Variants in SMC4 observed in about 807,000 individuals in gnomAD.
SMC4 encodes structural maintenance of chromosomes 4, also known as structural maintenance of chromosomes protein 4.
SMC4 carries 87 observed loss-of-function variants against 145.6 expected under a neutral mutation model. That is an observed-to-expected ratio of 0.60 (90% confidence interval 0.50 to 0.71). SMC4 has a LOEUF of 0.71. Among genes scored for constraint, SMC4 ranks in the 30% least tolerant of loss-of-function variants. The probability of loss-of-function intolerance (pLI) is 0.00; values close to 1 mark genes in which losing one functional copy is unlikely to be tolerated. For synonymous variants in SMC4, 558 were observed against 500.7 expected, an observed-to-expected ratio of 1.11 and a Z score of -1.53; for missense variants, 1,447 against 1,537.1, an observed-to-expected ratio of 0.94 and a Z score of 0.98.
chr3:160,424,117 A>G (rs915478791), intron 15 of SMC4, among the ~76,000 whole-genome samples: 4 of 152,152 alleles, frequency 2.6e-5, no homozygotes, highest in African/African-American at 4.8e-5. Flanking sequence ...TTTCTGTTTT[A>G]CATTTAATTT....
At chr3:160,427,896 G>A (rs1717965962) in intron 17 of SMC4, among the ~76,000 whole-genome samples, 1 of 152,158 alleles carries the variant, frequency 6.6e-6, no homozygotes, top group East Asian at 1.9e-4. Context: ...AGACCAGCCT[G>A]GCCAACATGG....
intron 23 of SMC4, 63 bp downstream of exon 23, chr3:160,433,272 T>G: frequency 8.9e-7 from 1 of 1,120,286 alleles, no homozygotes; most frequent in Non-Finnish European, 1.3e-6. Flanking sequence ...ACATTACACA[T>G]GGAATTCTTT....
Position 160,430,661 on chromosome 3 carries a change from A to G in SMC4, c.2858A>G (p.Lys953Arg). Residue 953 changes from lysine to arginine, a missense_variant, in exon 19 of 24, where the codon AAA (lysine) becomes AGA (arginine). Coordinates refer to ENST00000357388, the MANE Select transcript of SMC4 (RefSeq NM_001002800.3). ...RTEKEIKDTE[K>R]EVDDLTAELK... ...GAGAAAGAAATAAAAGATACTGAGA[A>G]AGAGGTGGATGACCTAACAGCAGAG... is the stretch of plus-strand genomic sequence containing the variant. 6.2e-7 allele frequency: 1 copy of G among 1,613,742 alleles called. No individual in the cohort carries two copies. Among genetic ancestry groups the G allele is most frequent in the Non-Finnish European group, 8.5e-7 (1 of 1,179,824 alleles).
chr3:160,412,839 T>C, intron 7 of SMC4: 1 of 984,270 alleles, frequency 1.0e-6, no homozygotes, highest in Non-Finnish European at 1.2e-6. Flanking sequence ...TATCCTGCTT[T>C]AAGTTGGGAG....
Position 160,414,745 on chromosome 3 carries a change from T to TCA in SMC4, c.1272+229_1272+230dup, listed in dbSNP as rs1415836482. ...TTTGGAATTTTGCAGAGATGGGGTCTCAGTCTGTTGTCCAGGCTAGCGTGC... is the reference window on the plus strand; with the variant it reads ...TTTGGAATTTTGCAGAGATGGGGTCTCACAGTCTGTTGTCCAGGCTAGCGTGC... On this transcript the variant is annotated intron_variant, in intron 9 of 23. Transcript: ENST00000357388. Among the ~76,000 whole-genome samples, 3 of 152,292 alleles carry TCA rather than the reference T, an allele frequency of 2.0e-5. No homozygotes were observed. In the South Asian group the frequency reaches 6.2e-4, roughly 32 times the overall value.
intron 10 of SMC4, 159 bp from the exon 11 acceptor site, chr3:160,417,564 C>A: frequency 1.6e-6 from 1 of 637,546 alleles, no homozygotes; most frequent in Non-Finnish European, 2.7e-6. Context: ...GACAACTAGG[C>A]AAAAACTGAA....
chr3:160,433,120 C>T lies in SMC4; in HGVS notation c.3625C>T (p.His1209Tyr), dbSNP rs200214633. Residue 1209 changes from histidine (H) to tyrosine (Y), a missense_variant, in exon 23 of 24, where the codon CAC becomes TAC. Transcript: ENST00000357388. ...SSLALVFALH[H>Y]YKPTPLYFMD... Reference sequence around the variant, plus strand: ...ATTGGCTTTAGTATTTGCTCTTCACCACTACAAGCCCACTCCCCTTTACTT... The same window carrying T: ...ATTGGCTTTAGTATTTGCTCTTCACTACTACAAGCCCACTCCCCTTTACTT... The T allele has an allele frequency of 1.1e-5, 17 of 1,613,000 alleles. No individual in the cohort carries two copies. Among genetic ancestry groups the T allele is most frequent in the Non-Finnish European group, 1.7e-6 (2 of 1,179,206 alleles).
rs80110592 is a variant in SMC4 at position 160,421,127 on chromosome 3, C to T, written c.2019+226C>T. 2.8e-4 allele frequency among the ~76,000 whole-genome samples: 42 copies of T among 151,962 alleles called. No homozygotes were observed. The East Asian group carries it at 8.0e-3, about 29-fold the overall frequency. On this transcript the variant is annotated intron_variant, in intron 13 of 23. Transcript: ENST00000357388. ...TTGTATTTTCAGTAGAGAGGGGTTT[C>T]ACTGTGTTAGCCAGGATGGTCTGGA...
At chr3:160,419,800 C>T (rs1716978068) in intron 12 of SMC4, among the ~76,000 whole-genome samples, 1 of 151,622 alleles carries the variant, frequency 6.6e-6, no homozygotes, top group African/African-American at 2.4e-5. Context: ...CCATTTTATC[C>T]TTTTTTTTAA....
rs757122297 is a variant in SMC4, at chr3:160,412,482, T to A, written c.980+29T>A. 5 of 1,571,200 alleles carry A rather than the reference T, an allele frequency of 3.2e-6. 1 individual carries two copies. The South Asian group carries it at 4.8e-5, about 15-fold the overall frequency. Reference sequence around the variant, plus strand: ...AGTGCCTTGATTGATATTACCAATTTTTATATTAGTTTTTAACCATTAAGT... The same window carrying A: ...AGTGCCTTGATTGATATTACCAATTATTATATTAGTTTTTAACCATTAAGT... On this transcript the variant is annotated intron_variant, in intron 7 of 23. Transcript: ENST00000357388.
At position 160,412,047 on chromosome 3, in the gene SMC4, G is replaced by A. The variant is rs183816398; in HGVS notation, c.815G>A (p.Arg272Gln). The change falls in exon 6 of 24, where the codon CGG becomes CAG. Residue 272 changes from arginine (R) to glutamine (Q), a missense_variant. Coordinates refer to ENST00000357388, the MANE Select transcript of SMC4 (RefSeq NM_001002800.3). Reference sequence around the variant, plus strand: ...AATGAACCTATTAAAGTCTTGTGTCGGAGAGTTGAAATATTAAATGAACAC... The same window carrying A: ...AATGAACCTATTAAAGTCTTGTGTCAGAGAGTTGAAATATTAAATGAACAC... ...RLNEPIKVLCRRVEILNEHRG... is the reference protein window; with the variant it reads ...RLNEPIKVLCQRVEILNEHRG... 158 of 1,613,352 alleles carry A rather than the reference G, an allele frequency of 9.8e-5. No homozygotes were observed. The highest frequency in any genetic ancestry group is 1.2e-4 in the Non-Finnish European group (136 of 1,179,694).
rs1242560448 is a variant in SMC4 at position 160,412,101 on chromosome 3, C to CT, written c.852+20dup. On this transcript the variant is annotated intron_variant, in intron 6 of 23. Transcript: ENST00000357388. ...GGAGAGAAGGTGAATCATCTGTAGA[C>CT]TTTCATTGTAAATCAGAATGTTTCA... is the stretch of plus-strand genomic sequence containing the variant. The CT allele has an allele frequency of 2.5e-6, 4 of 1,601,850 alleles. No individual in the cohort carries two copies. Among genetic ancestry groups the CT allele is most frequent in the Non-Finnish European group, 3.4e-6 (4 of 1,174,270 alleles).
intron 10 of SMC4, 37 bp downstream of exon 10, chr3:160,416,452 GC>G (rs989971814): frequency 1.5e-6 from 2 of 1,298,628 alleles, no homozygotes; most frequent in Non-Finnish European, 1.0e-6. Flanking sequence ...TATTTTGGTG[GC>G]TTTTTTTTTT....
intron 1 of SMC4, chr3:160,400,616 C>CCACTTA: frequency 3.7e-6 from 2 of 537,968 alleles, no homozygotes; most frequent in Non-Finnish European, 6.2e-6. Flanking sequence ...CTAGATTTTC[C>CCACTTA]CACTTACATA....
At position 160,412,000 on chromosome 3, in the gene SMC4, T is replaced by C. The variant is rs1163529307; in HGVS notation, c.768T>C (p.Asp256=). The C allele has an allele frequency of 1.2e-6, 2 of 1,613,648 alleles. No individual in the cohort carries two copies. ...HDEGMLEYLE[D]IIGCGRLNEP... ...AGGGTATGCTTGAATATTTAGAAGA[T>C]ATAATTGGTTGTGGACGGCTAAATG... The change falls in exon 6 of 24, where the codon GAT becomes GAC. Residue 256 remains aspartate (D), a synonymous_variant. Coordinates refer to ENST00000357388, the MANE Select transcript of SMC4 (RefSeq NM_001002800.3).
At position 160,404,518 on chromosome 3, in the gene SMC4, A is replaced by G; in HGVS notation, c.687+14A>G. The G allele has an allele frequency of 6.2e-7, 1 of 1,601,704 alleles. No homozygotes were observed. Among genetic ancestry groups the G allele is most frequent in the South Asian group, 1.1e-5 (1 of 88,876 alleles). On this transcript the variant is annotated intron_variant, in intron 5 of 23. Coordinates refer to ENST00000357388, the MANE Select transcript of SMC4 (RefSeq NM_001002800.3). The stretch of plus-strand genomic sequence containing the variant: ...TTAATTTTACAGGTAAGTTTATTAA[A>G]GACTTCAAAGATTCTCTTATTCTTG...
rs373468358 is a variant in SMC4, at chr3:160,430,502, T to A, written c.2796-97T>A. The A allele has an allele frequency of 2.8e-6, 3 of 1,064,444 alleles. No individual in the cohort carries two copies. The East Asian group carries it at 7.8e-5, about 28-fold the overall frequency. The allele number at this position is 1,064,444 out of a possible 1,614,324, so 65.9% of individuals were successfully genotyped here. On this transcript the variant is annotated intron_variant, in intron 18 of 23. Coordinates refer to ENST00000357388, the MANE Select transcript of SMC4 (RefSeq NM_001002800.3). ...CTTAAAAATATATGAATAGAAAAAA[T>A]GTCACATTAAATTTCATGAAAAGTT... is the stretch of plus-strand genomic sequence containing the variant.
intron 13 of SMC4, 66 bp from the exon 14 acceptor site, chr3:160,423,359 G>GTTT: frequency 1.2e-5 from 5 of 405,202 alleles, no homozygotes; most frequent in Admixed American, 4.7e-5. Flanking sequence ...GTTTTTTTTT[G>GTTT]TTTTTTTTTT....
chr3:160,408,647 T>G lies in SMC4; in HGVS notation c.688-3273T>G, dbSNP rs141916931. 1.3e-3 allele frequency among the ~76,000 whole-genome samples: 205 copies of G among 152,376 alleles called. 1 individual carries two copies. The highest frequency in any genetic ancestry group is 4.6e-3 in the African/African-American group (192 of 41,594). On this transcript the variant is annotated intron_variant, in intron 5 of 23. Transcript: ENST00000357388. ...TTTTAAAATTATTTCTGAAATATAT[T>G]GAGCTTATTGCCCTAAATTAAAACT...
Sources: allele counts gnomAD v4.1 joint callset (sites outside exome capture counted in the v4.1 genomes callset), GRCh38; gene constraint gnomAD v4.1.1; transcripts MANE v1.5; gene names NCBI Gene and HGNC (gene_info 2026-07-23, HGNC 2026-07-21).